The following MAP3K20 variants were observed in gnomAD, a reference collection of about 807,000 sequenced individuals.
The protein encoded by MAP3K20 is mitogen-activated protein kinase kinase kinase 20.
In MAP3K20, 40 loss-of-function variants were observed where a neutral mutation model predicts 85.7. That is an observed-to-expected ratio of 0.47 (90% CI 0.36 to 0.61). MAP3K20 has a LOEUF of 0.61. Among genes scored for constraint, MAP3K20 ranks in the 20% least tolerant of loss-of-function variants. The pLI is 0.00. For synonymous variants in MAP3K20, 325 were observed against 327.7 expected (o/e 0.99, Z 0.09); for missense variants, 817 against 961.7 (o/e 0.85, Z 1.99).
intron 11 of MAP3K20, chr2:173,221,473 CGATGATGATGAT>C: frequency 6.2e-7 from 1 of 1,608,962 alleles, no homozygotes; most frequent in East Asian, 2.2e-5. Context: ...CAGAAGGTGA[CGATGATGATGAT>C]GATGACGGTG....
chr2:173,181,422 C>T (rs1363461254), intron 3 of MAP3K20, among the ~76,000 whole-genome samples: 1 of 151,840 alleles, frequency 6.6e-6, no homozygotes, highest in African/African-American at 2.4e-5. Flanking sequence ...CTGAAACCCT[C>T]ATACGTTGCT....
At chr2:173,120,306 G>A (rs954198213) in intron 2 of MAP3K20, among the ~76,000 whole-genome samples, 1 of 152,004 alleles carries the variant, frequency 6.6e-6, no homozygotes, top group African/African-American at 2.4e-5. Flanking sequence ...CAGCAGTCCT[G>A]CCTTTTATTG....
At position 173,146,582 on chromosome 2, in the gene MAP3K20, C is replaced by T. The variant is rs1330628859; in HGVS notation, c.160-23223C>T. ...CCCAGTTCTCCTCAAGTCCCCAACC[C>T]AAGACACCCACTCGTCTACTTTCTG... On this transcript the variant is annotated intron_variant, in intron 2 of 19. Coordinates refer to ENST00000375213, the MANE Select transcript of MAP3K20 (RefSeq NM_016653.3). Among the ~76,000 whole-genome samples, 4 of 152,166 alleles carry T rather than the reference C, an allele frequency of 2.6e-5. No homozygotes were observed. In the East Asian group the frequency reaches 7.7e-4, roughly 29 times the overall value.
intron 16 of MAP3K20, among the ~76,000 whole-genome samples, chr2:173,250,981 A>G (rs1295390172): frequency 1.3e-5 from 2 of 152,246 alleles, no homozygotes. Flanking sequence ...CCCAGGTGCT[A>G]TCACGGGATG....
chr2:173,187,591 A>G lies in MAP3K20; in HGVS notation c.383A>G (p.Lys128Arg). 1 of 1,609,386 alleles carries G rather than the reference A, an allele frequency of 6.2e-7. No homozygotes were observed. The highest frequency in any genetic ancestry group is 8.5e-7 in the Non-Finnish European group (1 of 1,178,486). Residue 128 changes from lysine to arginine, a missense_variant, in exon 5 of 20, where the codon AAG becomes AGG. Lys to Arg is a conservative substitution (Grantham distance 26). This residue lies in a region of MAP3K20 where 200 missense variants were observed against 302.7 expected (regional missense o/e 0.66). Transcript: ENST00000375213. ...MHYLHMEAPV[K>R]VIHRDLKSRN... ...TATTTACATATGGAGGCTCCTGTCA[A>G]GGTGATTCACAGAGACCTCAAGTCA... is the stretch of plus-strand genomic sequence containing the variant.
intron 1 of MAP3K20, among the ~76,000 whole-genome samples, chr2:173,085,679 C>T (rs977155683): frequency 1.3e-5 from 2 of 149,216 alleles, no homozygotes; most frequent in African/African-American, 2.5e-5. Flanking sequence ...AGATACTTAA[C>T]ATTTAAAACA....
rs1321062094 is a variant in MAP3K20, at chr2:173,204,114, ATTATT to A, written c.744+247_744+251del. Among the ~76,000 whole-genome samples, 14 of 152,238 alleles carry A rather than the reference ATTATT, an allele frequency of 9.2e-5. No homozygotes were observed. In the South Asian group the frequency reaches 2.7e-3, roughly 29 times the overall value. On this transcript the variant is annotated intron_variant, in intron 9 of 19. Coordinates refer to ENST00000375213, the MANE Select transcript of MAP3K20 (RefSeq NM_016653.3). ...TTCTGAATTCAGTATAAATAATTTT[ATTATT>A]TTGTTTTTAATTTTTAGTAATAACT...
At chr2:173,247,336 CT>C (rs10709877) in intron 16 of MAP3K20, among the ~76,000 whole-genome samples, 24,693 of 149,332 alleles carry the variant, frequency 0.17, 3,275 homozygotes, top group African/African-American at 0.36. Flanking sequence ...TCAAATAGGG[CT>C]TTTTTTTTTC....
At position 173,258,686 on chromosome 2, in the gene MAP3K20, T is replaced by C. The variant is rs200393933; in HGVS notation, c.1360-13T>C. The C allele has an allele frequency of 7.3e-7, 1 of 1,368,256 alleles. No homozygotes were observed. Among genetic ancestry groups the C allele is most frequent in the Admixed American group, 2.3e-5 (1 of 43,808 alleles). 84.8% of individuals were successfully genotyped at this position (1,368,256 alleles called of 1,614,324 possible). A position where few individuals can be genotyped will look rare whatever the true frequency, so the allele number is the denominator to read the frequency against. ...CACTTTCTCAAATTCTGTAATTTTGTTTTTAATTCCAGGATTGTAAGTGGA... is the reference window on the plus strand; with the variant it reads ...CACTTTCTCAAATTCTGTAATTTTGCTTTTAATTCCAGGATTGTAAGTGGA... On this transcript the variant is annotated splice_polypyrimidine_tract_variant and intron_variant, in intron 16 of 19. Transcript: ENST00000375213.
At chr2:173,104,159 C>T (rs927426268) in intron 2 of MAP3K20, among the ~76,000 whole-genome samples, 1 of 152,178 alleles carries the variant, frequency 6.6e-6, no homozygotes, top group African/African-American at 2.4e-5. Context: ...TAGTTAGTAA[C>T]TTTACAGTGG....
At chr2:173,124,368 T>G (rs953507480) in intron 2 of MAP3K20, among the ~76,000 whole-genome samples, 1 of 152,124 alleles carries the variant, frequency 6.6e-6, no homozygotes, top group African/African-American at 2.4e-5. Flanking sequence ...CCAGGCCTGA[T>G]GAAGTGCATC....
intron 7 of MAP3K20, among the ~76,000 whole-genome samples, chr2:173,195,559 G>C (rs566681165): frequency 6.6e-6 from 1 of 152,160 alleles, no homozygotes; most frequent in South Asian, 2.1e-4. Context: ...GGTATTTTTA[G>C]GCATCATTTA....
chr2:173,160,576 G>A (rs1368210122), intron 2 of MAP3K20, among the ~76,000 whole-genome samples: 1 of 152,092 alleles, frequency 6.6e-6, no homozygotes, highest in Admixed American at 6.6e-5. Flanking sequence ...ACTCTCCTTC[G>A]TTTTCTTTAT....
chr2:173,119,994 C>A (rs1432943277), intron 2 of MAP3K20, among the ~76,000 whole-genome samples: 1 of 152,110 alleles, frequency 6.6e-6, no homozygotes, highest in Non-Finnish European at 1.5e-5. Context: ...CAAGTATCTA[C>A]ACATATACAC....
intron 17 of MAP3K20, among the ~76,000 whole-genome samples, chr2:173,260,346 C>T (rs1050999336): frequency 2.6e-5 from 4 of 152,120 alleles, no homozygotes; most frequent in East Asian, 1.9e-4. Flanking sequence ...CCAGCCTGGG[C>T]GACAGAGTGA....
At chr2:173,220,371 G>A (rs1053930981) in intron 11 of MAP3K20, among the ~76,000 whole-genome samples, 2 of 152,070 alleles carry the variant, frequency 1.3e-5, no homozygotes, top group African/African-American at 2.4e-5. Flanking sequence ...AAAAAAGTTC[G>A]GTTGAAAGAA....
intron 9 of MAP3K20, among the ~76,000 whole-genome samples, chr2:173,206,500 C>T (rs1207432042): frequency 1.3e-5 from 2 of 152,224 alleles, no homozygotes; most frequent in Non-Finnish European, 2.9e-5. Context: ...AACTCTCTCA[C>T]TGCTGATCTC....
chr2:173,143,357 A>G (rs76350337), intron 2 of MAP3K20, among the ~76,000 whole-genome samples: 9,599 of 152,296 alleles, frequency 0.063, 936 homozygotes, highest in East Asian at 0.53. Context: ...AAACTGATAG[A>G]ACTAGAAAAA....
In MAP3K20 at chr2:173,258,737, T is replaced by A; in HGVS notation, c.1398T>A (p.Asp466Glu). 1 of 1,612,302 alleles carries A rather than the reference T, an allele frequency of 6.2e-7. No homozygotes were observed. The highest frequency in any genetic ancestry group is 8.5e-7 in the Non-Finnish European group (1 of 1,178,688). The change falls in exon 17 of 20, where the codon GAT (aspartate) becomes GAA (glutamate). Residue 466 changes from aspartate (D) to glutamate (E), a missense_variant. By Grantham distance (45) the Asp-to-Glu change is conservative. Around this residue, in one of 4 missense-constraint regions of MAP3K20, gnomAD observed 454 missense variants for 476.9 expected, o/e 0.95. Coordinates refer to ENST00000375213, the MANE Select transcript of MAP3K20 (RefSeq NM_016653.3). ...KWKMYMEMDG[D>E]EIAITYIKDV... ...AAATGTATATGGAGATGGATGGGGA[T>A]GAAATTGCAATAACCTACATAAAAG...
Sources: allele counts gnomAD v4.1 joint callset (sites outside exome capture counted in the v4.1 genomes callset), GRCh38; gene constraint gnomAD v4.1.1; regional missense constraint gnomAD v4.1.1; transcripts MANE v1.5; gene names NCBI Gene and HGNC (gene_info 2026-07-23, HGNC 2026-07-21).